Variants in ITGAM observed in about 807,000 individuals in gnomAD.
ITGAM encodes the protein integrin subunit alpha M, also known as integrin alpha-M.
ITGAM carries 79 observed loss-of-function variants against 137.5 expected under a neutral mutation model. That is an observed-to-expected ratio of 0.57 (90% CI 0.48 to 0.69). The LOEUF (loss-of-function observed/expected upper bound fraction) is 0.69, where lower values mean the gene tolerates loss of function less well. Ranked by LOEUF, ITGAM falls within the 30% of genes least tolerant of loss-of-function variation. ITGAM has a pLI of 0.00. For synonymous variants in ITGAM, 583 were observed against 592.3 expected (o/e 0.98, Z 0.23); for missense variants, 1,343 against 1,483.5 (o/e 0.91, Z 1.56).
intron 12 of ITGAM, among the ~76,000 whole-genome samples, chr16:31,279,968 T>G (rs1255572229): frequency 6.6e-6 from 1 of 151,960 alleles, no homozygotes; most frequent in Non-Finnish European, 1.5e-5. Context: ...GCTAGCCAGT[T>G]TTCCCAGCAC....
chr16:31,330,561 G>T lies in ITGAM; in HGVS notation c.3232G>T (p.Val1078Leu). Reference sequence around the variant, plus strand: ...AGCTGAGATCTTGTTTAACGATTCCGTGTTCACCCTGCTGCCGGGACAGGG... The same window carrying T: ...AGCTGAGATCTTGTTTAACGATTCCTTGTTCACCCTGCTGCCGGGACAGGG... The part of the protein sequence containing the change: ...STAEILFNDS[V>L]FTLLPGQGAF... The change falls in exon 28 of 30, where the codon GTG becomes TTG. Residue 1078 changes from valine (V) to leucine (L), a missense_variant. By Grantham distance (32) the Val-to-Leu change is conservative (BLOSUM62 1). Coordinates refer to ENST00000544665, the MANE Select transcript of ITGAM (RefSeq NM_000632.4). 6.2e-7 allele frequency: 1 copy of T among 1,613,198 alleles called. No homozygotes were observed. The highest frequency in any genetic ancestry group is 8.5e-7 in the Non-Finnish European group (1 of 1,179,406).
intron 5 of ITGAM, among the ~76,000 whole-genome samples, chr16:31,267,218 A>G (rs1023470155): frequency 1.3e-5 from 2 of 151,594 alleles, no homozygotes; most frequent in African/African-American, 4.8e-5. Flanking sequence ...GCTTTTTCCC[A>G]CTGCTTTGTT....
At chr16:31,310,344 G>A (rs2037043908) in intron 14 of ITGAM, among the ~76,000 whole-genome samples, 1 of 152,158 alleles carries the variant, frequency 6.6e-6, no homozygotes, top group Non-Finnish European at 1.5e-5. Context: ...ATGAGATGTA[G>A]ATTTGGTCTT....
At chr16:31,316,802 A>G (rs1001976986) in intron 14 of ITGAM, among the ~76,000 whole-genome samples, 1 of 152,056 alleles carries the variant, frequency 6.6e-6, no homozygotes, top group Admixed American at 6.6e-5. Flanking sequence ...TTATAGTTTT[A>G]GTGTGCATAT....
At position 31,302,421 on chromosome 16, in the gene ITGAM, TTTCTTTC is replaced by T. The variant is rs1239177426; in HGVS notation, c.1707+4477_1707+4483del. Among the ~76,000 whole-genome samples the T allele has an allele frequency of 2.4e-4, 33 of 139,760 alleles. No homozygotes were observed. In the East Asian group the frequency reaches 2.9e-3, roughly 12 times the overall value. The allele number at this position is 139,760 out of a possible 152,430, so 91.7% of individuals were successfully genotyped here. ...TTTTCTTTTCTTTTTTCTTTCTTTCTTTCTTTCTTCTTTCTTTCTTTCTTTCTTTCTT... is the reference window on the plus strand; with the variant it reads ...TTTTCTTTTCTTTTTTCTTTCTTTCTTTCTTTCTTTCTTTCTTTCTTTCTT... On this transcript the variant is annotated intron_variant, in intron 14 of 29. Coordinates refer to ENST00000544665, the MANE Select transcript of ITGAM (RefSeq NM_000632.4).
At chr16:31,296,710 A>G (rs533236648) in intron 12 of ITGAM, among the ~76,000 whole-genome samples, 2 of 152,008 alleles carry the variant, frequency 1.3e-5, no homozygotes, top group South Asian at 4.2e-4. Context: ...CCTCTCCTCC[A>G]CCTGGCTGCA....
rs1296042996 is a variant in ITGAM at position 31,270,130 on chromosome 16, CTCCTTTGCT to C, written c.428-822_428-814del. 4.3e-3 allele frequency among the ~76,000 whole-genome samples: 391 copies of C among 90,808 alleles called. 2 individuals carry two copies. The highest frequency in any genetic ancestry group is 0.015 in the African/African-American group (354 of 23,544). 59.6% of individuals were successfully genotyped at this position (90,808 alleles called of 152,430 possible). A position where few individuals can be genotyped will look rare whatever the true frequency, so the allele number is the denominator to read the frequency against. ...CCTTCCTTCCTTCCTTCCTTCCTTC[CTCCTTTGCT>C]TTCCTTTCCTTTCCTTTCCTTTCCT... On this transcript the variant is annotated intron_variant, in intron 5 of 29. Coordinates refer to ENST00000544665, the MANE Select transcript of ITGAM (RefSeq NM_000632.4).
At chr16:31,310,961 G>A (rs1489330652) in intron 14 of ITGAM, among the ~76,000 whole-genome samples, 1 of 152,096 alleles carries the variant, frequency 6.6e-6, no homozygotes, top group Admixed American at 6.6e-5. Flanking sequence ...ACAGAACTGA[G>A]CACTCAGAAA....
intron 14 of ITGAM, among the ~76,000 whole-genome samples, chr16:31,313,320 C>T (rs531036997): frequency 1.3e-5 from 2 of 152,212 alleles, no homozygotes; most frequent in South Asian, 2.1e-4. Context: ...CCCATCAACC[C>T]GTTGTCTAGG....
At chr16:31,328,774 A>T (rs1006644609) in intron 23 of ITGAM, among the ~76,000 whole-genome samples, 4 of 114,894 alleles carry the variant, frequency 3.5e-5, no homozygotes, top group African/African-American at 1.6e-4. Flanking sequence ...GCGTGTGCGC[A>T]TGGGTGTGTA....
At chr16:31,271,345 T>C (rs995453421) in intron 6 of ITGAM, among the ~76,000 whole-genome samples, 4 of 152,144 alleles carry the variant, frequency 2.6e-5, no homozygotes, top group African/African-American at 9.7e-5. Context: ...CTGAGTTCTA[T>C]TTTCATTTTT....
intron 12 of ITGAM, among the ~76,000 whole-genome samples, chr16:31,290,619 A>G (rs1054278766): frequency 3.9e-5 from 6 of 152,204 alleles, no homozygotes; most frequent in African/African-American, 1.4e-4. Flanking sequence ...AAAAATCTCT[A>G]CCAGGCATTA....
intron 14 of ITGAM, among the ~76,000 whole-genome samples, chr16:31,310,770 T>C (rs1215275670): frequency 6.6e-6 from 1 of 152,204 alleles, no homozygotes; most frequent in Non-Finnish European, 1.5e-5. Context: ...GGAGAGGCGC[T>C]CTGATTTTTA....
At chr16:31,321,662 C>A in intron 16 of ITGAM, 35 bp downstream of exon 16, 2 of 1,600,524 alleles carry the variant, frequency 1.2e-6, no homozygotes, top group Non-Finnish European at 1.7e-6. Flanking sequence ...AGAGGTTAAA[C>A]GACCGAGGAC....
chr16:31,267,189 T>G (rs567815745), intron 5 of ITGAM, among the ~76,000 whole-genome samples: 70 of 152,188 alleles, frequency 4.6e-4, no homozygotes, highest in African/African-American at 1.6e-3. Flanking sequence ...CTGGCCAGAG[T>G]GCGTGGATCT....
intron 22 of ITGAM, among the ~76,000 whole-genome samples, chr16:31,327,171 G>T (rs2080517076): frequency 6.6e-6 from 1 of 152,194 alleles, no homozygotes; most frequent in Non-Finnish European, 1.5e-5. Flanking sequence ...TAGTGGCAAA[G>T]ACAGACAAGA....
chr16:31,298,527 G>A (rs999932924), intron 14 of ITGAM, among the ~76,000 whole-genome samples: 1 of 152,218 alleles, frequency 6.6e-6, no homozygotes, highest in Non-Finnish European at 1.5e-5. Context: ...GCCCAGCGAT[G>A]GCAAATGGCA....
chr16:31,277,157 A>G lies in ITGAM; in HGVS notation c.1213+108A>G, dbSNP rs1031002648. The G allele has an allele frequency of 5.3e-6, 5 of 941,172 alleles. No homozygotes were observed. The African/African-American group carries it at 6.7e-5, about 13-fold the overall frequency. The allele number at this position is 941,172 out of a possible 1,614,324, so 58.3% of individuals were successfully genotyped here. A position where few individuals can be genotyped will look rare whatever the true frequency, so the allele number is the denominator to read the frequency against. On this transcript the variant is annotated intron_variant, in intron 11 of 29. Coordinates refer to ENST00000544665, the MANE Select transcript of ITGAM (RefSeq NM_000632.4). ...TGAATGGGATACATATGTATGGGAT[A>G]CTAGCTATTAGTCTCTTGGGATAGC... is the stretch of plus-strand genomic sequence containing the variant.
intron 3 of ITGAM, 55 bp downstream of exon 3, chr16:31,265,553 AC>A (rs2079756350): frequency 8.4e-7 from 1 of 1,187,282 alleles, no homozygotes; most frequent in South Asian, 1.4e-5. Flanking sequence ...ACACATAGGG[AC>A]TTTCCAGGCA....
Sources: gnomAD v4.1 joint callset for allele counts (sites outside exome capture counted in the v4.1 genomes callset) on GRCh38, gnomAD v4.1.1 for gene constraint, MANE v1.5 for transcripts, NCBI Gene and HGNC (gene_info 2026-07-23, HGNC 2026-07-21) for gene names.